Variants in CFAP46 observed in about 807,000 individuals in gnomAD.
CFAP46 encodes cilia- and flagella-associated protein 46.
Under a neutral mutation model 325.7 loss-of-function variants are expected in CFAP46, and 245 were observed. That is an observed-to-expected ratio of 0.75 (90% CI 0.68 to 0.84). The LOEUF (loss-of-function observed/expected upper bound fraction) is 0.84. Among genes scored for constraint, CFAP46 ranks in the 40% least tolerant of loss-of-function variants. The pLI is 0.00. For synonymous variants in CFAP46, 1,523 were observed against 1,495.9 expected, an observed-to-expected ratio of 1.02 and a Z score of -0.42; for missense variants, 3,346 against 3,543.0, an observed-to-expected ratio of 0.94 and a Z score of 1.41.
intron 8 of CFAP46, among the ~76,000 whole-genome samples, chr10:132,930,611 C>A (rs1467505329): frequency 1.6e-5 from 2 of 127,020 alleles, no homozygotes; most frequent in African/African-American, 6.1e-5. Context: ...ACTCCCCACA[C>A]AGAGCCTGGG....
chr10:132,908,737 G>A, intron 21 of CFAP46, 103 bp from the exon 22 acceptor site: 2 of 1,380,086 alleles, frequency 1.4e-6, no homozygotes, highest in Non-Finnish European at 1.9e-6. Context: ...CCTAAGCAGA[G>A]GCGTGGCCTG....
intron 56 of CFAP46, 55 bp downstream of exon 56, chr10:132,810,895 G>C: frequency 6.6e-7 from 1 of 1,503,904 alleles, no homozygotes; most frequent in Non-Finnish European, 9.1e-7. Context: ...ACGCCCGTCT[G>C]TCTGACCTCT....
chr10:132,904,481 CA>C (rs1849429880), intron 22 of CFAP46, among the ~76,000 whole-genome samples: 1 of 152,234 alleles, frequency 6.6e-6, no homozygotes, highest in Admixed American at 6.5e-5. Flanking sequence ...CGTGGAAATC[CA>C]ATTTTTCCAG....
chr10:132,884,422 C>T lies in CFAP46; in HGVS notation c.3627+681G>A, dbSNP rs1359539738. ...GCCTCGGGGCAGGATTGCTCTGAGC[C>T]GGAGAAACAGCTCGTGTAACAGAAA... On this transcript the variant is annotated intron_variant, in intron 27 of 57. Transcript: ENST00000368586. This position sits in a 1 kb window ranked among gnomAD's most constrained non-coding sequence, Gnocchi z 5.4. Among the ~76,000 whole-genome samples the T allele has an allele frequency of 2.6e-5, 4 of 152,190 alleles. No individual in the cohort carries two copies. Among genetic ancestry groups the T allele is most frequent in the East Asian group, 1.9e-4 (1 of 5,202 alleles).
intron 19 of CFAP46, among the ~76,000 whole-genome samples, chr10:132,911,242 G>A (rs1849536763): frequency 6.6e-6 from 1 of 152,194 alleles, no homozygotes; most frequent in Non-Finnish European, 1.5e-5. Context: ...TTCCTGGCCG[G>A]CCCACACTGA....
chr10:132,808,485 G>T lies in CFAP46; in HGVS notation c.8084C>A (p.Ala2695Glu). 1.9e-6 allele frequency: 3 copies of T among 1,613,222 alleles called. No homozygotes were observed. The highest frequency in any genetic ancestry group is 3.3e-5 in the Admixed American group (2 of 60,024). The change falls in exon 58 of 58, where the codon GCG becomes GAG. Residue 2695 changes from alanine (A) to glutamate (E), a missense_variant. Ala to Glu is a moderately radical substitution (Grantham distance 107). Transcript: ENST00000368586. The surrounding 1 kb of genome is among the most constrained non-coding windows in gnomAD (Gnocchi z 6.8). ...GTCTAAGCAACTCAGCACCAGCGCCGCCAAGGGGAGGCCGCCCTTGTCCTG... is the reference window on the plus strand; with the variant it reads ...GTCTAAGCAACTCAGCACCAGCGCCTCCAAGGGGAGGCCGCCCTTGTCCTG... ...RGQDKGGLPL[A>E]ALVLSCLDQK...
At chr10:132,811,109 T>G in intron 55 of CFAP46, 78 bp from the exon 56 acceptor site, 1 of 1,284,218 alleles carries the variant, frequency 7.8e-7, no homozygotes, top group Non-Finnish European at 1.1e-6. Context: ...AGGTGGGGCC[T>G]GTGCCCCAAG....
chr10:132,917,232 C>T (rs1490065614), intron 16 of CFAP46, among the ~76,000 whole-genome samples: 1 of 152,382 alleles, frequency 6.6e-6, no homozygotes, highest in Admixed American at 6.5e-5. Context: ...CTGCCTAAAT[C>T]GGCAGGTGCC....
At chr10:132,904,765 G>C (rs988418469) in intron 22 of CFAP46, among the ~76,000 whole-genome samples, 8 of 152,142 alleles carry the variant, frequency 5.3e-5, no homozygotes, top group Non-Finnish European at 5.9e-5. Context: ...AATAATGTTT[G>C]TTCTGTTTTG....
At chr10:132,890,999 A>G (rs186272415) in intron 25 of CFAP46, among the ~76,000 whole-genome samples, 2 of 152,322 alleles carry the variant, frequency 1.3e-5, no homozygotes, top group East Asian at 3.9e-4. Flanking sequence ...TTTTTTCTAT[A>G]AACATGAATT....
rs1849366638 is a variant in CFAP46 at position 132,899,614 on chromosome 10, C to T, written c.2977G>A (p.Gly993Ser). 6.5e-7 allele frequency: 1 copy of T among 1,550,158 alleles called. No individual in the cohort carries two copies. The highest frequency in any genetic ancestry group is 1.4e-5 in the African/African-American group (1 of 73,058). Residue 993 changes from glycine to serine, a missense_variant, in exon 23 of 58, where the codon GGC becomes AGC. Transcript: ENST00000368586. ...TTCAGGTTTTCCATGATGCTCCTGC[C>T]CTGGATGGCCGTGGCTGTGCACAGC... ...EMLCTATAIQGRSIMENLKGR... is the reference protein window; with the variant it reads ...EMLCTATAIQSRSIMENLKGR...
At chr10:132,860,665 A>G in intron 36 of CFAP46, 117 bp downstream of exon 36, 1 of 1,257,464 alleles carries the variant, frequency 8.0e-7, no homozygotes, top group Non-Finnish European at 1.1e-6. Context: ...TGGGGCAGGG[A>G]TGGATCCAGG....
intron 7 of CFAP46, among the ~76,000 whole-genome samples, chr10:132,936,597 G>A (rs1343168372): frequency 8.4e-6 from 1 of 119,158 alleles, no homozygotes; most frequent in Non-Finnish European, 1.7e-5. Flanking sequence ...CAAATACACT[G>A]TGATCTCCTC....
chr10:132,915,469 A>G (rs890947098), intron 17 of CFAP46, among the ~76,000 whole-genome samples: 1 of 152,246 alleles, frequency 6.6e-6, no homozygotes, highest in Non-Finnish European at 1.5e-5. Context: ...TTCCCTCCAA[A>G]GAGCTCGGCC....
In CFAP46 at chr10:132,808,438, T is replaced by C. The variant is rs771171768; in HGVS notation, c.8131A>G (p.Ser2711Gly). The change falls in exon 58 of 58, where the codon AGC becomes GGC. Residue 2711 changes from serine (S) to glycine (G), a missense_variant. Coordinates refer to ENST00000368586, the MANE Select transcript of CFAP46 (RefSeq NM_001200049.3). The surrounding 1 kb of genome is among the most constrained non-coding windows in gnomAD (Gnocchi z 6.8). ...TGGAACACTCAAATCAAAAACAGGC[T>C]CACGGTCTGAATAGTCTTCTGGTCT... ...CLDQKTIQTV[S>G]LFLI is the part of the protein sequence containing the mutation. 1 of 1,605,820 alleles carries C rather than the reference T, an allele frequency of 6.2e-7. No individual in the cohort carries two copies. The highest frequency in any genetic ancestry group is 8.5e-7 in the Non-Finnish European group (1 of 1,174,006).
chr10:132,912,021 G>A (rs1849547229), intron 19 of CFAP46, among the ~76,000 whole-genome samples: 1 of 151,966 alleles, frequency 6.6e-6, no homozygotes, highest in Non-Finnish European at 1.5e-5. Context: ...GCTCTCCCAG[G>A]GCCTTTCCAG....
chr10:132,810,198 T>TG (rs1317041523), intron 57 of CFAP46, among the ~76,000 whole-genome samples: 1 of 152,058 alleles, frequency 6.6e-6, no homozygotes, highest in Non-Finnish European at 1.5e-5. Flanking sequence ...CGCGCCACGG[T>TG]GGGGGGCTGG....
chr10:132,891,446 G>A (rs1849252688), intron 25 of CFAP46, among the ~76,000 whole-genome samples: 2 of 152,224 alleles, frequency 1.3e-5, no homozygotes, highest in Non-Finnish European at 2.9e-5. Flanking sequence ...ACGCTTTGTA[G>A]CCGTAAGACA....
chr10:132,929,878 G>A, intron 8 of CFAP46, 74 bp from the exon 9 acceptor site: 1 of 1,032,482 alleles, frequency 9.7e-7, no homozygotes, highest in South Asian at 1.5e-5. Flanking sequence ...GAGAATCCAT[G>A]TCCCCCGTTC....
Sources: gnomAD v4.1 joint callset for allele counts (sites outside exome capture counted in the v4.1 genomes callset) on GRCh38, gnomAD v4.1.1 for gene constraint, Gnocchi (gnomAD v3.1) non-coding constraint, MANE v1.5 for transcripts, NCBI Gene and HGNC (gene_info 2026-07-23, HGNC 2026-07-21) for gene names.